The following NKAIN2 variants were observed in gnomAD, a reference collection of about 807,000 sequenced individuals.
NKAIN2 encodes sodium/potassium-transporting ATPase subunit beta-1-interacting protein 2.
In NKAIN2, 14 loss-of-function variants were observed where a neutral mutation model predicts 32.6. The observed-to-expected ratio is 0.43, with a 90% CI of 0.28 to 0.67. The LOEUF (loss-of-function observed/expected upper bound fraction) is 0.67, where lower values mean the gene tolerates loss of function less well. NKAIN2 is among the 30% of genes least tolerant of loss of function. The pLI is 0.17. For missense variants in NKAIN2, 198 were observed against 258.3 expected (o/e 0.77, Z 1.60); for synonymous variants, 80 against 87.2 (o/e 0.92, Z 0.46).
At chr6:124,805,468 C>T (rs1312585653) in intron 5 of NKAIN2, among the ~76,000 whole-genome samples, 2 of 152,102 alleles carry the variant, frequency 1.3e-5, no homozygotes, top group Non-Finnish European at 2.9e-5. Flanking sequence ...ACAGAAAGGA[C>T]ATCCACACCA....
At chr6:124,098,479 G>C (rs1447753251) in intron 1 of NKAIN2, among the ~76,000 whole-genome samples, 2 of 152,062 alleles carry the variant, frequency 1.3e-5, no homozygotes, top group Non-Finnish European at 2.9e-5. Flanking sequence ...CATTTCATTG[G>C]TTTCACAACT....
At chr6:124,133,402 C>T (rs575695872) in intron 1 of NKAIN2, among the ~76,000 whole-genome samples, 1 of 152,154 alleles carries the variant, frequency 6.6e-6, no homozygotes, top group African/African-American at 2.4e-5. Context: ...TGAAGTAGCT[C>T]CCACTCTTCA....
intron 1 of NKAIN2, among the ~76,000 whole-genome samples, chr6:124,090,335 A>G (rs1434460011): frequency 6.6e-6 from 1 of 152,098 alleles, no homozygotes; most frequent in Non-Finnish European, 1.5e-5. Context: ...GAAAACTGCT[A>G]AAGAATATTA....
intron 1 of NKAIN2, among the ~76,000 whole-genome samples, chr6:124,139,196 C>T (rs1414657376): frequency 6.8e-6 from 1 of 146,050 alleles, no homozygotes; most frequent in Admixed American, 7.0e-5. Flanking sequence ...TCACGCCATT[C>T]TCCTGCCTCA....
chr6:124,197,641 A>G (rs1475096385), intron 1 of NKAIN2, among the ~76,000 whole-genome samples: 1 of 152,074 alleles, frequency 6.6e-6, no homozygotes, highest in African/African-American at 2.4e-5. Context: ...CTTTTACATG[A>G]ACTATTTTAC....
intron 1 of NKAIN2, among the ~76,000 whole-genome samples, chr6:124,216,989 A>T (rs928021477): frequency 2.0e-5 from 3 of 152,210 alleles, no homozygotes; most frequent in African/African-American, 7.2e-5. Flanking sequence ...ATTTGGCCTG[A>T]CAACAAGCAA....
chr6:124,453,876 A>G (rs2114629049), intron 3 of NKAIN2, among the ~76,000 whole-genome samples: 1 of 152,228 alleles, frequency 6.6e-6, no homozygotes, highest in African/African-American at 2.4e-5. Flanking sequence ...TTTCTCCTTC[A>G]GGCTTACCTA....
At chr6:124,111,111 C>G (rs982663121) in intron 1 of NKAIN2, among the ~76,000 whole-genome samples, 10 of 152,042 alleles carry the variant, frequency 6.6e-5, no homozygotes, top group African/African-American at 2.2e-4. Flanking sequence ...ATTTTTCATA[C>G]TAGTCTCTTA....
chr6:124,742,065 T>A (rs1271664884), intron 4 of NKAIN2, among the ~76,000 whole-genome samples: 1 of 151,850 alleles, frequency 6.6e-6, no homozygotes, highest in African/African-American at 2.4e-5. Flanking sequence ...TCCCAAGTCA[T>A]AGCCACCCAT....
chr6:124,223,524 T>C (rs1253783370), intron 1 of NKAIN2, among the ~76,000 whole-genome samples: 1 of 152,160 alleles, frequency 6.6e-6, no homozygotes, highest in African/African-American at 2.4e-5. Context: ...TACAAGACAC[T>C]GCTATTGTAG....
intron 1 of NKAIN2, among the ~76,000 whole-genome samples, chr6:123,895,674 A>T (rs1165635339): frequency 6.6e-6 from 1 of 152,200 alleles, no homozygotes; most frequent in African/African-American, 2.4e-5. Flanking sequence ...TCTAATGCAA[A>T]CGTAAGTTTA....
intron 1 of NKAIN2, among the ~76,000 whole-genome samples, chr6:124,098,404 T>C (rs956861749): frequency 1.3e-5 from 2 of 152,186 alleles, no homozygotes; most frequent in Admixed American, 6.6e-5. Context: ...ACTTTGTGAC[T>C]TCTATTAGGG....
At chr6:124,670,643 T>TTGTG (rs756145455) in intron 4 of NKAIN2, among the ~76,000 whole-genome samples, 1 of 102,204 alleles carries the variant, frequency 9.8e-6, no homozygotes, top group Admixed American at 9.2e-5. Context: ...AATCTTTGCT[T>TTGTG]TCTGTGTGTG....
At chr6:124,098,559 A>G (rs1218150573) in intron 1 of NKAIN2, among the ~76,000 whole-genome samples, 1 of 152,160 alleles carries the variant, frequency 6.6e-6, no homozygotes, top group African/African-American at 2.4e-5. Flanking sequence ...TAGTACAGTT[A>G]AAAAGGTTTT....
intron 1 of NKAIN2, among the ~76,000 whole-genome samples, chr6:124,212,058 C>A (rs1483014915): frequency 6.6e-6 from 1 of 151,896 alleles, no homozygotes; most frequent in Non-Finnish European, 1.5e-5. Flanking sequence ...ATGATTATTT[C>A]TTTTTAATAA....
At chr6:123,876,225 A>G (rs1473837374) in intron 1 of NKAIN2, among the ~76,000 whole-genome samples, 9 of 152,198 alleles carry the variant, frequency 5.9e-5, no homozygotes, top group Non-Finnish European at 1.2e-4. Flanking sequence ...ATATTTCTCC[A>G]TTCTTTCAAA....
chr6:124,455,041 A>C (rs1776265215), intron 3 of NKAIN2, among the ~76,000 whole-genome samples: 1 of 152,066 alleles, frequency 6.6e-6, no homozygotes, highest in Admixed American at 6.6e-5. Context: ...TATTTAAAAA[A>C]TTAAAGTCAA....
At chr6:123,866,831 C>G (rs1008878053) in intron 1 of NKAIN2, among the ~76,000 whole-genome samples, 10 of 152,132 alleles carry the variant, frequency 6.6e-5, no homozygotes, top group Non-Finnish European at 1.3e-4. Context: ...CTTACTTTCT[C>G]TTATTTGCTC....
At chr6:124,443,777 G>A (rs1486909420) in intron 3 of NKAIN2, among the ~76,000 whole-genome samples, 1 of 152,050 alleles carries the variant, frequency 6.6e-6, no homozygotes, top group Non-Finnish European at 1.5e-5. Flanking sequence ...CCACTATACA[G>A]TCATGACTAG....
Sources: gnomAD v4.1 joint callset for allele counts (sites outside exome capture counted in the v4.1 genomes callset) on GRCh38, gnomAD v4.1.1 for gene constraint, MANE v1.5 for transcripts, NCBI Gene and HGNC (gene_info 2026-07-23, HGNC 2026-07-21) for gene names.